The following SUPT5H variants were observed in gnomAD, a reference collection of about 807,000 sequenced individuals.
SUPT5H encodes the protein transcription elongation factor SPT5.
Under a neutral mutation model 142.5 loss-of-function variants are expected in SUPT5H, and 24 were observed. That is an observed-to-expected ratio of 0.17 (90% confidence interval 0.12 to 0.24). The LOEUF (loss-of-function observed/expected upper bound fraction) is 0.24, where lower values mean the gene tolerates loss of function less well. Among genes scored for constraint, SUPT5H ranks in the 10% least tolerant of loss-of-function variants. SUPT5H has a pLI of 1.00. For missense variants in SUPT5H, 893 were observed against 1,471.8 expected (o/e 0.61, Z 6.43); for synonymous variants, 546 against 553.0 (o/e 0.99, Z 0.18).
rs1256033042 is a variant in SUPT5H, at chr19:39,458,934, T to C, written c.389+47T>C. ...GGTGGGATTGGCTCCTGTGGGGAGA[T>C]TTGGGAGTAGGTCAGCCCACCTGCT... is the stretch of plus-strand genomic sequence containing the variant. On this transcript the variant is annotated intron_variant, in intron 6 of 29. Transcript: ENST00000432763. This position sits in a 1 kb window ranked among gnomAD's most constrained non-coding sequence, Gnocchi z 4.2. The C allele has an allele frequency of 6.2e-7, 1 of 1,613,346 alleles. No homozygotes were observed.
intron 2 of SUPT5H, 44 bp from the exon 3 acceptor site, chr19:39,453,312 G>A (rs1345899249): frequency 1.3e-6 from 2 of 1,542,090 alleles, no homozygotes; most frequent in Admixed American, 4.1e-5. Context: ...TGGATTTTTG[G>A]GGTAGCAGAA....
Position 39,472,369 on chromosome 19 carries a change from C to T in SUPT5H, c.1951-40C>T, listed in dbSNP as rs753261877. The T allele has an allele frequency of 1.4e-5, 23 of 1,599,510 alleles. No individual in the cohort carries two copies. Among genetic ancestry groups the T allele is most frequent in the Middle Eastern group, 1.7e-4 (1 of 6,028 alleles). ...GAGTTCCTGTGGTTTGTGGTTCCCC[C>T]ATCCCCTGCCTGCCAGTTCACTCCT... On this transcript the variant is annotated intron_variant, in intron 20 of 29. Coordinates refer to ENST00000432763, the MANE Select transcript of SUPT5H (RefSeq NM_001111020.3). The surrounding 1 kb of genome is among the most constrained non-coding windows in gnomAD (Gnocchi z 4.2).
At chr19:39,447,968 T>G (rs909123231) in intron 2 of SUPT5H, among the ~76,000 whole-genome samples, 1 of 152,214 alleles carries the variant, frequency 6.6e-6, no homozygotes, top group East Asian at 1.9e-4. Flanking sequence ...GAGGGAGATT[T>G]AACATAAAGA....
chr19:39,460,002 A>G (rs1483268666), intron 10 of SUPT5H, 42 bp downstream of exon 10: 7 of 1,599,732 alleles, frequency 4.4e-6, no homozygotes, highest in Non-Finnish European at 3.4e-6. Context: ...AGACATGGCA[A>G]CACCCAGAGG....
In SUPT5H at chr19:39,468,985, A is replaced by G. The variant is rs2079280734; in HGVS notation, c.1144-94A>G. ...CAAGTTAGGAGTGTTCCCTAGGAGA[A>G]TTATTCCCCTAGGACCCACTCAGCC... On this transcript the variant is annotated intron_variant, in intron 14 of 29. Transcript: ENST00000432763. The G allele has an allele frequency of 7.0e-6, 11 of 1,565,280 alleles. No individual in the cohort carries two copies. The East Asian group carries it at 2.5e-4, about 35-fold the overall frequency.
intron 3 of SUPT5H, among the ~76,000 whole-genome samples, chr19:39,455,319 T>C (rs753095611): frequency 6.6e-6 from 1 of 152,052 alleles, no homozygotes; most frequent in African/African-American, 2.4e-5. Flanking sequence ...CCCAGCACTT[T>C]AGGAGGCTGA....
rs564362099 is a variant in SUPT5H, at chr19:39,471,408, C to T, written c.1729C>T (p.Arg577Trp). The T allele has an allele frequency of 1.2e-6, 2 of 1,614,190 alleles. No homozygotes were observed. Among genetic ancestry groups the T allele is most frequent in the East Asian group, 2.2e-5 (1 of 44,892 alleles). Residue 577 changes from arginine (R) to tryptophan (W), a missense_variant, in exon 19 of 30, where the codon CGG (arginine) becomes TGG (tryptophan). By Grantham distance (101) the Arg-to-Trp change is moderately radical. Transcript: ENST00000432763. ...VVTVRHQAVT[R>W]KKDNRFAVAL... ...GACTGTCAGACATCAGGCTGTGACC[C>T]GGAAGAAGGACAACCGCTTTGCTGT...
chr19:39,454,273 C>T (rs1017559321), intron 3 of SUPT5H, among the ~76,000 whole-genome samples: 1 of 151,866 alleles, frequency 6.6e-6, no homozygotes, highest in African/African-American at 2.4e-5. Context: ...CAGACCACCC[C>T]AGATGAAAAA....
At chr19:39,471,772 C>T in intron 20 of SUPT5H, 42 bp downstream of exon 20, 2 of 1,589,340 alleles carry the variant, frequency 1.3e-6, no homozygotes, top group Non-Finnish European at 1.7e-6. Context: ...GGGTACCTGG[C>T]TCAGCTCTCC....
chr19:39,457,238 A>G (rs1026974775), intron 3 of SUPT5H, among the ~76,000 whole-genome samples: 1 of 152,086 alleles, frequency 6.6e-6, no homozygotes, highest in Admixed American at 6.5e-5. Flanking sequence ...TCAGTGAGGA[A>G]CCTGTGTCAG....
In SUPT5H at chr19:39,469,062, C is replaced by T; in HGVS notation, c.1144-17C>T. 6.2e-7 allele frequency: 1 copy of T among 1,613,912 alleles called. No homozygotes were observed. Among genetic ancestry groups the T allele is most frequent in the Non-Finnish European group, 8.5e-7 (1 of 1,179,928 alleles). On this transcript the variant is annotated splice_polypyrimidine_tract_variant and intron_variant, in intron 14 of 29. Transcript: ENST00000432763. The surrounding 1 kb of genome is among the most constrained non-coding windows in gnomAD (Gnocchi z 5.1). ...TCGGTCCATTTCCTTCTCTTCCCCT[C>T]ACCGCTGGGGGCTTAGATCACGGAG...
At chr19:39,451,515 C>G (rs1259357777) in intron 2 of SUPT5H, among the ~76,000 whole-genome samples, 2 of 151,918 alleles carry the variant, frequency 1.3e-5, no homozygotes, top group South Asian at 2.1e-4. Flanking sequence ...GATTTTGAAG[C>G]CTTTCAGATT....
chr19:39,458,152 C>A lies in SUPT5H; in HGVS notation c.308-142C>A. On this transcript the variant is annotated intron_variant, in intron 4 of 29. Coordinates refer to ENST00000432763, the MANE Select transcript of SUPT5H (RefSeq NM_001111020.3). The surrounding 1 kb of genome is among the most constrained non-coding windows in gnomAD (Gnocchi z 4.2). ...CCTTTACTTTTGGTTTTCAACCTTT[C>A]TGTGTCCCTCCCTTCCCCTCCCCCA... 1 of 1,390,064 alleles carries A rather than the reference C, an allele frequency of 7.2e-7. No homozygotes were observed. Among genetic ancestry groups the A allele is most frequent in the South Asian group, 1.4e-5 (1 of 71,054 alleles). The allele number at this position is 1,390,064 out of a possible 1,614,324, so 86.1% of individuals were successfully genotyped here. A position where few individuals can be genotyped will look rare whatever the true frequency, so the allele number is the denominator to read the frequency against.
intron 2 of SUPT5H, among the ~76,000 whole-genome samples, chr19:39,448,041 C>T (rs1026320115): frequency 1.6e-4 from 25 of 152,226 alleles, no homozygotes; most frequent in African/African-American, 5.8e-4. Flanking sequence ...AGTTGTTCTG[C>T]AGAGCAGCCG....
At chr19:39,463,413 T>A (rs2079192323) in intron 10 of SUPT5H, among the ~76,000 whole-genome samples, 1 of 152,238 alleles carries the variant, frequency 6.6e-6, no homozygotes. Flanking sequence ...ATTTGTGAAT[T>A]TCCTAAGTAT....
rs935391125 is a variant in SUPT5H at position 39,472,302 on chromosome 19, G to T, written c.1951-107G>T. The T allele has an allele frequency of 1.1e-5, 11 of 1,026,716 alleles. No homozygotes were observed. Among genetic ancestry groups the T allele is most frequent in the Middle Eastern group, 2.1e-4 (1 of 4,798 alleles). 63.6% of individuals were successfully genotyped at this position (1,026,716 alleles called of 1,614,324 possible). ...CAGAGGAATTCAGGCCTGGGGTGTGGGTGGCTGGGTGGTCTCCTCAGGGCC... is the reference window on the plus strand; with the variant it reads ...CAGAGGAATTCAGGCCTGGGGTGTGTGTGGCTGGGTGGTCTCCTCAGGGCC... On this transcript the variant is annotated intron_variant, in intron 20 of 29. Transcript: ENST00000432763. The surrounding 1 kb of genome is among the most constrained non-coding windows in gnomAD (Gnocchi z 4.2).
intron 10 of SUPT5H, among the ~76,000 whole-genome samples, chr19:39,464,035 G>A (rs2079201757): frequency 1.3e-5 from 2 of 148,980 alleles, no homozygotes; most frequent in Non-Finnish European, 3.0e-5. Flanking sequence ...CCAGACTGGA[G>A]TGCAATGGTG....
chr19:39,453,764 A>G (rs1006929364), intron 3 of SUPT5H, among the ~76,000 whole-genome samples: 1 of 152,016 alleles, frequency 6.6e-6, no homozygotes, highest in Non-Finnish European at 1.5e-5. Context: ...ACGGGGTTTC[A>G]CCTTGTTAGC....
At chr19:39,459,383 G>A (rs968887422) in intron 8 of SUPT5H, 134 bp downstream of exon 8, 1 of 1,352,888 alleles carries the variant, frequency 7.4e-7, no homozygotes, top group South Asian at 1.3e-5. Flanking sequence ...CAGGGGTAGG[G>A]AGGGCAAGGT....
Sources: allele counts gnomAD v4.1 joint callset (sites outside exome capture counted in the v4.1 genomes callset), GRCh38; gene constraint gnomAD v4.1.1; non-coding constraint Gnocchi (gnomAD v3.1); transcripts MANE v1.5; gene names NCBI Gene and HGNC (gene_info 2026-07-23, HGNC 2026-07-21).